The following KPNA7 variants were observed in gnomAD, a reference collection of about 807,000 sequenced individuals.
KPNA7 encodes importin subunit alpha-8.
KPNA7 carries 54 observed loss-of-function variants against 53.7 expected under a neutral mutation model. The ratio of observed to expected loss-of-function variants is 1.01; its 90% confidence interval spans 0.81 to 1.26. KPNA7 has a LOEUF of 1.26. Among genes scored for constraint, KPNA7 ranks in the 50% most tolerant of loss-of-function variants. KPNA7 has a pLI of 0.00. For missense variants in KPNA7, 640 were observed against 644.5 expected, an observed-to-expected ratio of 0.99 and a Z score of 0.07; for synonymous variants, 276 against 259.3, an observed-to-expected ratio of 1.06 and a Z score of -0.62.
chr7:99,170,272 G>A (rs76968180), downstream of KPNA7, among the ~76,000 whole-genome samples: 1,718 of 152,254 alleles, frequency 0.011, 36 homozygotes, highest in African/African-American at 0.04. Context: ...AAGCTAGGTC[G>A]ATAGCACAGA....
At chr7:99,207,697 G>T (rs927794298) in intron 1 of KPNA7, among the ~76,000 whole-genome samples, 18 of 127,740 alleles carry the variant, frequency 1.4e-4, no homozygotes, top group Non-Finnish European at 2.5e-4. Context: ...GTGCAGTGGG[G>T]GGATATCAGT....
chr7:99,206,620 C>T (rs1790827818), intron 2 of KPNA7, among the ~76,000 whole-genome samples: 1 of 152,100 alleles, frequency 6.6e-6, no homozygotes, highest in Admixed American at 6.6e-5. Context: ...AGGCACACAC[C>T]ACCACACCTG....
At chr7:99,199,065 G>GAAAAAAAAAA (rs67877761) in intron 3 of KPNA7, among the ~76,000 whole-genome samples, 27 of 61,102 alleles carry the variant, frequency 4.4e-4, no homozygotes, top group East Asian at 1.2e-3. Flanking sequence ...GCTGCAAACT[G>GAAAAAAAAAA]AAAAAAAAAA....
the KPNA7 span, among the ~76,000 whole-genome samples, chr7:99,155,980 T>C: frequency 1.3e-5 from 2 of 152,164 alleles, no homozygotes; most frequent in East Asian, 1.9e-4. Context: ...TTGTTGAAGA[T>C]AGTCTACCTG....
chr7:99,197,048 A>G (rs996399551), intron 3 of KPNA7, among the ~76,000 whole-genome samples: 10 of 151,510 alleles, frequency 6.6e-5, no homozygotes, highest in Admixed American at 1.3e-4. Flanking sequence ...CAACAACAAC[A>G]ACAAAACTAA....
the KPNA7 span, among the ~76,000 whole-genome samples, chr7:99,163,359 G>GTGTATATATATATATATATATA: frequency 4.1e-4 from 27 of 66,420 alleles, no homozygotes; most frequent in South Asian, 1.7e-3. Flanking sequence ...ATGAGTGTGT[G>GTGTATATATATATATATATATA]TATATATATA....
chr7:99,206,025 T>G (rs1228703974), intron 2 of KPNA7, among the ~76,000 whole-genome samples: 8 of 152,302 alleles, frequency 5.3e-5, no homozygotes, highest in Non-Finnish European at 1.0e-4. Flanking sequence ...GTCCTATTTC[T>G]ACAAGGCATG....
chr7:99,148,019 TAA>T, the KPNA7 span, among the ~76,000 whole-genome samples: 118 of 141,498 alleles, frequency 8.3e-4, 1 homozygote, highest in African/African-American at 2.2e-3. Context: ...CCCATGTCTT[TAA>T]AAAAAAAAAA....
At chr7:99,160,488 G>C in the KPNA7 span, among the ~76,000 whole-genome samples, 1 of 151,594 alleles carries the variant, frequency 6.6e-6, no homozygotes, top group Non-Finnish European at 1.5e-5. Flanking sequence ...ACAGGGTCTC[G>C]CTATGTTGCC....
At position 99,188,400 on chromosome 7, in the gene KPNA7, T is replaced by C. The variant is rs1478063763; in HGVS notation, c.800A>G (p.Tyr267Cys). 1.9e-6 allele frequency: 3 copies of C among 1,551,510 alleles called. No homozygotes were observed. The highest frequency in any genetic ancestry group is 2.7e-5 in the African/African-American group (2 of 73,020). The change falls in exon 7 of 11, where the codon TAC (tyrosine) becomes TGC (cysteine). Residue 267 changes from tyrosine (Y) to cysteine (C), a missense_variant. Transcript: ENST00000327442. ...VLSDACWALS[Y>C]LTDGSNKRIG... is the part of the protein sequence containing the mutation. The stretch of plus-strand genomic sequence containing the variant: ...GCGCTTGTTGGAGCCGTCGGTGAGG[T>C]AGGACAGTGCCCAGCAGGCATCCGA...
chr7:99,219,069 C>A (rs543607024), intron 1 of KPNA7, among the ~76,000 whole-genome samples: 2 of 152,372 alleles, frequency 1.3e-5, no homozygotes, highest in African/African-American at 4.8e-5. Context: ...TACCCCCACG[C>A]CGATGGTTCT....
In KPNA7 at chr7:99,181,924, T is replaced by C. The variant is rs1563070158; in HGVS notation, c.1276A>G (p.Ile426Val). 1 of 1,551,074 alleles carries C rather than the reference T, an allele frequency of 6.4e-7. No homozygotes were observed. The highest frequency in any genetic ancestry group is 2.0e-5 in the Admixed American group (1 of 50,956). Residue 426 changes from isoleucine to valine, a missense_variant, in exon 9 of 11, where the codon ATT (isoleucine) becomes GTT (valine). Physicochemically the swap from Ile to Val is conservative, Grantham distance 29. Transcript: ENST00000327442. ...ATGACATCAAGGATGATGAGAACAA[T>C]TTTAACATCTGGGGCAGTGAGCAGA... is the stretch of plus-strand genomic sequence containing the variant. ...VNLLTAPDVK[I>V]VLIILDVISC...
chr7:99,167,655 A>ATTTTT, the KPNA7 span, among the ~76,000 whole-genome samples: 1 of 76,092 alleles, frequency 1.3e-5, no homozygotes, highest in African/African-American at 5.5e-5. Context: ...TTTTTTTTGC[A>ATTTTT]TTTTTAGTAG....
At chr7:99,151,145 GGAGA>G in the KPNA7 span, among the ~76,000 whole-genome samples, 10 of 152,098 alleles carry the variant, frequency 6.6e-5, no homozygotes, top group Non-Finnish European at 1.0e-4. Context: ...GGTTTTTCAA[GGAGA>G]GAGATCTCCA....
chr7:99,162,701 C>T, the KPNA7 span, among the ~76,000 whole-genome samples: 1 of 152,094 alleles, frequency 6.6e-6, no homozygotes, highest in Non-Finnish European at 1.5e-5. Context: ...TTAGATCACT[C>T]GGACAACAGT....
chr7:99,216,815 G>A (rs550945602), intron 1 of KPNA7, among the ~76,000 whole-genome samples: 1 of 152,284 alleles, frequency 6.6e-6, no homozygotes, highest in East Asian at 1.9e-4. Flanking sequence ...GCCCGCCTTG[G>A]CCTCCCAAAG....
chr7:99,189,594 T>C (rs1789829853), intron 6 of KPNA7, among the ~76,000 whole-genome samples: 1 of 152,126 alleles, frequency 6.6e-6, no homozygotes, highest in African/African-American at 2.4e-5. Context: ...ATATTCACTG[T>C]CTACCTCCCA....
At chr7:99,215,514 T>C (rs1791195797) in intron 1 of KPNA7, among the ~76,000 whole-genome samples, 1 of 151,180 alleles carries the variant, frequency 6.6e-6, no homozygotes, top group Non-Finnish European at 1.5e-5. Context: ...AGGGAGAGGG[T>C]TGAAGGTTAT....
chr7:99,167,198 C>CACT, the KPNA7 span, among the ~76,000 whole-genome samples: 1 of 152,182 alleles, frequency 6.6e-6, no homozygotes, highest in East Asian at 1.9e-4. Flanking sequence ...GCCCTGGCCC[C>CACT]ACTGTCTCCT....
Sources: allele counts gnomAD v4.1 joint callset (sites outside exome capture counted in the v4.1 genomes callset), GRCh38; gene constraint gnomAD v4.1.1; transcripts MANE v1.5; gene names NCBI Gene and HGNC (gene_info 2026-07-23, HGNC 2026-07-21).